The following HSD17B2 variants were observed in gnomAD, a reference collection of about 807,000 sequenced individuals.
HSD17B2 encodes the protein hydroxysteroid 17-beta dehydrogenase 2.
In HSD17B2, 32 loss-of-function variants were observed where a neutral mutation model predicts 26.9. The ratio of observed to expected loss-of-function variants is 1.19; its 90% CI spans 0.90 to 1.60. The LOEUF (loss-of-function observed/expected upper bound fraction) is 1.60. Among genes scored for constraint, HSD17B2 ranks in the 40% most tolerant of loss-of-function variants. The pLI, the probability that HSD17B2 is intolerant of heterozygous loss-of-function variation, is 0.00. For missense variants in HSD17B2, 613 were observed against 468.6 expected (o/e 1.31, Z -2.85); for synonymous variants, 246 against 186.7 (o/e 1.32, Z -2.59).
intron 1 of HSD17B2, among the ~76,000 whole-genome samples, chr16:82,036,438 C>T (rs1212621630): frequency 6.6e-6 from 1 of 150,960 alleles, no homozygotes; most frequent in Non-Finnish European, 1.5e-5. Flanking sequence ...GGAGTTTAAG[C>T]TTGGATAGGG....
intron 1 of HSD17B2, among the ~76,000 whole-genome samples, chr16:82,060,627 C>T (rs919602533): frequency 2.0e-5 from 3 of 152,224 alleles, no homozygotes; most frequent in Non-Finnish European, 4.4e-5. Flanking sequence ...CATCCTTTTA[C>T]TGATAGATAG....
At chr16:82,096,041 A>G (rs1447196349) in intron 4 of HSD17B2, 1 of 152,144 alleles carries the variant, frequency 6.6e-6, no homozygotes, top group African/African-American at 2.4e-5. Context: ...TAAATAAATT[A>G]TTTAATTTTA....
Position 82,098,431 on chromosome 16 carries a change from A to G in HSD17B2, c.1159A>G (p.Thr387Ala). 1.3e-6 allele frequency: 2 copies of G among 1,594,508 alleles called. No individual in the cohort carries two copies. The highest frequency in any genetic ancestry group is 1.7e-6 in the Non-Finnish European group (2 of 1,170,282). ...AATGCCTAACTACAAGAAAAAGGCC[A>G]CCTAGGCAATGGAAGCCCTCAAAGA... is the stretch of plus-strand genomic sequence containing the variant. The part of the protein sequence containing the change: ...LRMPNYKKKA[T>A] The change falls in exon 5 of 5, where the codon ACC becomes GCC. Residue 387 changes from threonine (T) to alanine (A), a missense_variant. Transcript: ENST00000199936.
At chr16:82,090,489 T>C (rs1173432586) in intron 3 of HSD17B2, among the ~76,000 whole-genome samples, 1 of 151,918 alleles carries the variant, frequency 6.6e-6, no homozygotes, top group Non-Finnish European at 1.5e-5. Flanking sequence ...TGGCTAATTT[T>C]TGTGTTTTTA....
At chr16:82,090,400 C>T (rs946133673) in intron 3 of HSD17B2, among the ~76,000 whole-genome samples, 2 of 138,464 alleles carry the variant, frequency 1.4e-5, no homozygotes, top group Non-Finnish European at 3.1e-5. Flanking sequence ...TCACTACAAC[C>T]TCTGCCCCCT....
At chr16:82,046,022 T>C (rs1003266072) in intron 1 of HSD17B2, among the ~76,000 whole-genome samples, 2 of 152,258 alleles carry the variant, frequency 1.3e-5, no homozygotes, top group Non-Finnish European at 2.9e-5. Context: ...CCCATCTCTC[T>C]ATGAGGCAGG....
At chr16:82,052,753 A>G (rs911817186) in intron 1 of HSD17B2, among the ~76,000 whole-genome samples, 1 of 152,200 alleles carries the variant, frequency 6.6e-6, no homozygotes, top group Non-Finnish European at 1.5e-5. Flanking sequence ...TGAAGATCAC[A>G]TGTAGTAGGA....
intron 1 of HSD17B2, among the ~76,000 whole-genome samples, chr16:82,058,893 A>G (rs1026024619): frequency 2.6e-5 from 4 of 152,144 alleles, no homozygotes; most frequent in African/African-American, 9.7e-5. Context: ...AAGAACATGA[A>G]ACTGTGAGAA....
intron 4 of HSD17B2, chr16:82,095,683 T>C (rs531738622): frequency 1.3e-5 from 2 of 152,294 alleles, no homozygotes; most frequent in East Asian, 1.9e-4. Context: ...TGGAAGGTCA[T>C]TGGATAGGGA....
intron 3 of HSD17B2, among the ~76,000 whole-genome samples, chr16:82,088,409 T>A (rs951477058): frequency 9.9e-5 from 15 of 152,230 alleles, no homozygotes; most frequent in Admixed American, 3.3e-4. Flanking sequence ...CCATCATTAT[T>A]AATTTACAGA....
At position 82,090,901 on chromosome 16, in the gene HSD17B2, G is replaced by A. The variant is rs749942767; in HGVS notation, c.665-1G>A. On this transcript the variant is annotated splice_acceptor_variant, in intron 3 of 4. Transcript: ENST00000199936. LOFTEE classifies it high-confidence loss of function. ...TTCTTTTTCTCCCATTATTCCCATA[G>A]GAGGGGCCCCAATGGAAAGGCTGGC... The A allele has an allele frequency of 6.2e-7, 1 of 1,609,472 alleles. No individual in the cohort carries two copies.
intron 3 of HSD17B2, among the ~76,000 whole-genome samples, chr16:82,083,517 A>G (rs1904436936): frequency 6.6e-6 from 1 of 152,120 alleles, no homozygotes; most frequent in Non-Finnish European, 1.5e-5. Context: ...TCTGGGGTCC[A>G]TGGAGAGATG....
intron 1 of HSD17B2, chr16:82,044,569 G>A (rs907330555): frequency 6.6e-6 from 1 of 152,240 alleles, no homozygotes; most frequent in African/African-American, 2.4e-5. Context: ...CTCCTTCTCA[G>A]TCCTGATCAT....
intron 3 of HSD17B2, 92 bp from the exon 4 acceptor site, chr16:82,090,810 T>A: frequency 1.6e-6 from 2 of 1,248,782 alleles, no homozygotes; most frequent in Non-Finnish European, 1.1e-6. Context: ...CTGATACCAG[T>A]TCCTACATAC....
chr16:82,064,634 C>A (rs1914528541), intron 1 of HSD17B2, among the ~76,000 whole-genome samples: 1 of 152,078 alleles, frequency 6.6e-6, no homozygotes, highest in African/African-American at 2.4e-5. Context: ...AAAAGATGTT[C>A]AGGAAAGACA....
At chr16:82,088,548 C>G (rs530620645) in intron 3 of HSD17B2, among the ~76,000 whole-genome samples, 1 of 152,286 alleles carries the variant, frequency 6.6e-6, no homozygotes, top group East Asian at 1.9e-4. Flanking sequence ...TCTGACCAAC[C>G]TTCAACATCT....
intron 3 of HSD17B2, among the ~76,000 whole-genome samples, chr16:82,086,878 T>G (rs1904542755): frequency 6.6e-6 from 1 of 152,236 alleles, no homozygotes; most frequent in South Asian, 2.1e-4. Context: ...GCTCTCTTCC[T>G]GGTTTACAGA....
At chr16:82,095,681 C>T (rs72547418) in intron 4 of HSD17B2, 1 of 152,174 alleles carries the variant, frequency 6.6e-6, no homozygotes, top group Non-Finnish European at 1.5e-5. Flanking sequence ...ACTGGAAGGT[C>T]ATTGGATAGG....
At chr16:82,067,031 C>A (rs182049408) in intron 1 of HSD17B2, among the ~76,000 whole-genome samples, 14 of 152,300 alleles carry the variant, frequency 9.2e-5, no homozygotes, top group Admixed American at 7.8e-4. Context: ...GGATTTTAGT[C>A]CTGCACATGT....
Sources: allele counts gnomAD v4.1 joint callset (sites outside exome capture counted in the v4.1 genomes callset), GRCh38; gene constraint gnomAD v4.1.1; transcripts MANE v1.5; gene names NCBI Gene and HGNC (gene_info 2026-07-23, HGNC 2026-07-21).